NBPF3: variants seen among roughly 807,000 people sequenced by gnomAD.
NBPF3 encodes the protein NBPF family member NBPF3.
NBPF3 carries 57 observed loss-of-function variants against 78.1 expected under a neutral mutation model. The ratio of observed to expected loss-of-function variants is 0.73; its 90% CI spans 0.59 to 0.91. NBPF3 has a LOEUF of 0.91. Among genes scored for constraint, NBPF3 ranks in the 40% least tolerant of loss-of-function variants. The pLI is 0.00. For missense variants in NBPF3, 510 were observed against 715.3 expected (o/e 0.71, Z 3.27); for synonymous variants, 182 against 271.7 (o/e 0.67, Z 3.25).
intron 1 of NBPF3, chr1:21,442,379 C>T (rs1197032311): frequency 1.3e-5 from 2 of 152,156 alleles, no homozygotes; most frequent in Admixed American, 1.3e-4. Flanking sequence ...CCACACTCAG[C>T]TGTTTTCTGT....
intron 3 of NBPF3, 85 bp downstream of exon 3, chr1:21,468,982 A>T: frequency 9.1e-7 from 1 of 1,099,820 alleles, no homozygotes; most frequent in Non-Finnish European, 1.3e-6. Flanking sequence ...CTCCATCAAA[A>T]ATAAGTTCAA....
rs1447953249 is a variant in NBPF3, at chr1:21,476,608, A to ACT, written c.993-1531_993-1530dup. Among the ~76,000 whole-genome samples, 1 of 151,646 alleles carries ACT rather than the reference A, an allele frequency of 6.6e-6. No individual in the cohort carries two copies. Among genetic ancestry groups the ACT allele is most frequent in the African/African-American group, 2.4e-5 (1 of 41,226 alleles). On this transcript the variant is annotated intron_variant, in intron 8 of 14. Transcript: ENST00000318249. This position sits in a 1 kb window ranked among gnomAD's most constrained non-coding sequence, Gnocchi z 4.1. ...TTATGAATGTCGAATATTGGCCTCC[A>ACT]CTCTCTTCTGGCTTGTAGGGTTTCT... is the stretch of plus-strand genomic sequence containing the variant.
At chr1:21,469,854 T>C (rs1460970727) in intron 3 of NBPF3, among the ~76,000 whole-genome samples, 4 of 152,202 alleles carry the variant, frequency 2.6e-5, no homozygotes, top group Non-Finnish European at 1.5e-5. Flanking sequence ...GACCAGGGAC[T>C]CTGGGCCTGT....
intron 2 of NBPF3, among the ~76,000 whole-genome samples, chr1:21,457,054 TG>T (rs1416834761): frequency 6.6e-6 from 1 of 152,226 alleles, no homozygotes; most frequent in African/African-American, 2.4e-5. Context: ...TTTGTATTTC[TG>T]TGTATTAGCA....
chr1:21,467,606 C>T (rs533064614), intron 2 of NBPF3, among the ~76,000 whole-genome samples: 61 of 152,216 alleles, frequency 4.0e-4, no homozygotes, highest in Admixed American at 9.8e-4. Context: ...CCATAAGAAC[C>T]GCCGCTCATG....
At position 21,460,357 on chromosome 1, in the gene NBPF3, A is replaced by T. The variant is rs113662197; in HGVS notation, c.134-8331A>T. Among the ~76,000 whole-genome samples the T allele has an allele frequency of 6.8e-3, 1,030 of 152,178 alleles. 11 individuals are homozygous for T. Among genetic ancestry groups the T allele is most frequent in the African/African-American group, 0.024 (993 of 41,500 alleles). ...TCATTTACATTCGGTATTTCTCCTA[A>T]TGCTATCCCTCCTCCAGCCCCCAAC... On this transcript the variant is annotated intron_variant, in intron 2 of 14. Transcript: ENST00000318249. The surrounding 1 kb of genome is among the most constrained non-coding windows in gnomAD (Gnocchi z 4.2).
upstream of NBPF3, chr1:21,437,395 G>A: frequency 1.1e-6 from 1 of 941,252 alleles, no homozygotes; most frequent in Non-Finnish European, 1.5e-6. Context: ...ATTGGGGAGT[G>A]GAATCCTGGC....
chr1:21,476,926 A>G lies in NBPF3; in HGVS notation c.993-1218A>G, dbSNP rs1642915480. 6.6e-6 allele frequency among the ~76,000 whole-genome samples: 1 copy of G among 152,086 alleles called. No individual in the cohort carries two copies. Among genetic ancestry groups the G allele is most frequent in the Non-Finnish European group, 1.5e-5 (1 of 68,032 alleles). On this transcript the variant is annotated intron_variant, in intron 8 of 14. Transcript: ENST00000318249. The surrounding 1 kb of genome is among the most constrained non-coding windows in gnomAD (Gnocchi z 4.1). ...TTTCAGGTACACCAATCAAATGTAGATTTGGTCTTTTCACATAGTCCCATA... is the reference window on the plus strand; with the variant it reads ...TTTCAGGTACACCAATCAAATGTAGGTTTGGTCTTTTCACATAGTCCCATA...
In NBPF3 at chr1:21,470,644, G is replaced by C; in HGVS notation, c.356G>C (p.Cys119Ser). 5.0e-6 allele frequency: 8 copies of C among 1,595,314 alleles called. No homozygotes were observed. The highest frequency in any genetic ancestry group is 4.3e-6 in the Non-Finnish European group (5 of 1,167,666). ...TGTCTTTTCTCAGACTATGAAGACT[G>C]CAAAGACCTCATAAAATCTATGCTG... is the stretch of plus-strand genomic sequence containing the variant. ...NRQNNYDYED[C>S]KDLIKSMLRD... Residue 119 changes from cysteine (C) to serine (S), a missense_variant, in exon 4 of 15, where the codon TGC becomes TCC. This residue lies in a region of NBPF3 where 440 missense variants were observed against 478.2 expected (regional missense o/e 0.92). Coordinates refer to ENST00000318249, the MANE Select transcript of NBPF3 (RefSeq NM_032264.6).
Position 21,471,661 on chromosome 1 carries a change from A to C in NBPF3, c.539A>C (p.Asn180Thr). ...QEGRDASRSL[N>T]QHLQALLTPD... ...GGGAGAGATGCCTCCCGCTCATTGA[A>C]TCAGCATCTCCAGGCCCTCCTCACT... The change falls in exon 5 of 15, where the codon AAT (asparagine) becomes ACT (threonine). Residue 180 changes from asparagine (N) to threonine (T), a missense_variant. Asn to Thr is a moderately conservative substitution (Grantham distance 65). Around this residue, in one of 5 missense-constraint regions of NBPF3, gnomAD observed 440 missense variants for 478.2 expected, o/e 0.92. Coordinates refer to ENST00000318249, the MANE Select transcript of NBPF3 (RefSeq NM_032264.6). 1.9e-6 allele frequency: 3 copies of C among 1,607,494 alleles called. No homozygotes were observed. Among genetic ancestry groups the C allele is most frequent in the Non-Finnish European group, 2.6e-6 (3 of 1,175,280 alleles).
At chr1:21,436,896 G>T (rs866589870), upstream of NBPF3, 66 of 448,084 alleles carry the variant, frequency 1.5e-4, no homozygotes, top group South Asian at 4.8e-3. The surrounding 1 kb of genome is among the most constrained non-coding windows in gnomAD (Gnocchi z 4.3). Flanking sequence ...GGACGGGTCC[G>T]GGGAGGTCCG....
intron 2 of NBPF3, among the ~76,000 whole-genome samples, chr1:21,452,597 T>C (rs4399126): frequency 0.88 from 133,489 of 152,188 alleles, 60,608 homozygotes; most frequent in Non-Finnish European, 0.99. Flanking sequence ...GAGAATTAAA[T>C]CCCCGTCAGT....
chr1:21,457,729 A>G (rs1175488858), intron 2 of NBPF3, among the ~76,000 whole-genome samples: 1 of 152,244 alleles, frequency 6.6e-6, no homozygotes, highest in Non-Finnish European at 1.5e-5. Context: ...AAGGTTAAAC[A>G]TATGCAAATC....
rs1459751799 is a variant in NBPF3, at chr1:21,476,882, G to A, written c.993-1262G>A. ...ATCCTGAAGAGTGTTTTCCAACTTG[G>A]TTCCATTCTCCCCGTCACTTTCAGG... is the stretch of plus-strand genomic sequence containing the variant. On this transcript the variant is annotated intron_variant, in intron 8 of 14. Transcript: ENST00000318249. This position sits in a 1 kb window ranked among gnomAD's most constrained non-coding sequence, Gnocchi z 4.1. Among the ~76,000 whole-genome samples the A allele has an allele frequency of 1.3e-5, 2 of 152,156 alleles. No individual in the cohort carries two copies. Among genetic ancestry groups the A allele is most frequent in the Non-Finnish European group, 2.9e-5 (2 of 68,026 alleles).
chr1:21,479,820 CTG>C lies in NBPF3; in HGVS notation c.1209-199_1209-198del, dbSNP rs59451117. Reference sequence around the variant, plus strand: ...TCTCTCTCTCTCTCTCTCTCTCTCTCTGTGTGTGTGTGTGTGTGTGTGTGTGT... The same window carrying C: ...TCTCTCTCTCTCTCTCTCTCTCTCTCTGTGTGTGTGTGTGTGTGTGTGTGT... On this transcript the variant is annotated intron_variant, in intron 10 of 14. Coordinates refer to ENST00000318249, the MANE Select transcript of NBPF3 (RefSeq NM_032264.6). Among the ~76,000 whole-genome samples the C allele has an allele frequency of 2.2e-3, 225 of 102,684 alleles. 1 individual carries two copies. The highest frequency in any genetic ancestry group is 4.6e-3 in the South Asian group (10 of 2,172). 67.4% of individuals were successfully genotyped at this position (102,684 alleles called of 152,430 possible). A position where few individuals can be genotyped will look rare whatever the true frequency, so the allele number is the denominator to read the frequency against.
At chr1:21,455,790 A>G (rs1023784979) in intron 2 of NBPF3, among the ~76,000 whole-genome samples, 1 of 152,222 alleles carries the variant, frequency 6.6e-6, no homozygotes, top group African/African-American at 2.4e-5. Context: ...ACTGGACTGT[A>G]CCTGCACAAG....
In NBPF3 at chr1:21,445,225, A is replaced by G; in HGVS notation, c.133+6A>G. 1 of 1,611,072 alleles carries G rather than the reference A, an allele frequency of 6.2e-7. No individual in the cohort carries two copies. Among genetic ancestry groups the G allele is most frequent in the Non-Finnish European group, 8.5e-7 (1 of 1,179,138 alleles). On this transcript the variant is annotated splice_donor_region_variant and intron_variant, in intron 2 of 14. Coordinates refer to ENST00000318249, the MANE Select transcript of NBPF3 (RefSeq NM_032264.6). ...AGAGCTGCGAGATCCAACAGGTAAA[A>G]ATCCCGAGGCATTGCCAGCTCGGTG...
intron 2 of NBPF3, chr1:21,446,603 C>T (rs1292317529): frequency 7.6e-6 from 1 of 131,058 alleles, no homozygotes; most frequent in African/African-American, 2.8e-5. Flanking sequence ...TTCCTTTCTT[C>T]CTTTCTTCTT....
chr1:21,455,176 C>A lies in NBPF3; in HGVS notation c.133+9957C>A, dbSNP rs1379485605. On this transcript the variant is annotated intron_variant, in intron 2 of 14. Transcript: ENST00000318249. ...ACATCTCTCCAGGAAGTCCTCAGTC[C>A]CTCCAAGGAACTCACCTTCACTAGG... Among the ~76,000 whole-genome samples the A allele has an allele frequency of 7.9e-5, 12 of 152,346 alleles. No homozygotes were observed. In the East Asian group the frequency reaches 9.6e-4, roughly 12 times the overall value.
Sources: gnomAD v4.1 joint callset for allele counts (sites outside exome capture counted in the v4.1 genomes callset) on GRCh38, gnomAD v4.1.1 for gene constraint, gnomAD v4.1.1 regional missense constraint, Gnocchi (gnomAD v3.1) non-coding constraint, MANE v1.5 for transcripts, NCBI Gene and HGNC (gene_info 2026-07-23, HGNC 2026-07-21) for gene names.